Variants in PARD3B observed in about 807,000 individuals in gnomAD.
PARD3B encodes par-3 family cell polarity regulator beta, also known as partitioning defective 3 homolog B.
A neutral mutation model predicts 130.2 loss-of-function variants in PARD3B; 103 were observed. That is an observed-to-expected ratio of 0.79 (90% confidence interval 0.67 to 0.93). The LOEUF (loss-of-function observed/expected upper bound fraction) is 0.93, where lower values mean the gene tolerates loss of function less well. Ranked by LOEUF, PARD3B falls within the 40% of genes least tolerant of loss-of-function variation. The pLI, the probability that PARD3B is intolerant of heterozygous loss-of-function variation, is 0.00. For synonymous variants in PARD3B, 583 were observed against 553.2 expected, an observed-to-expected ratio of 1.05 and a Z score of -0.76; for missense variants, 1,609 against 1,499.2, an observed-to-expected ratio of 1.07 and a Z score of -1.21.
chr2:205,553,985 A>G (rs1401989885), intron 22 of PARD3B, among the ~76,000 whole-genome samples: 1 of 152,192 alleles, frequency 6.6e-6, no homozygotes, highest in Non-Finnish European at 1.5e-5. Context: ...CTGTAACTCA[A>G]CACCCTTGAA....
intron 22 of PARD3B, among the ~76,000 whole-genome samples, chr2:205,597,642 G>A (rs951279421): frequency 1.3e-5 from 2 of 152,200 alleles, no homozygotes; most frequent in African/African-American, 2.4e-5. Flanking sequence ...CCCACCAGCA[G>A]TGTATGAGTA....
chr2:205,147,070 C>T (rs1248347695), intron 10 of PARD3B, among the ~76,000 whole-genome samples: 1 of 152,144 alleles, frequency 6.6e-6, no homozygotes, highest in African/African-American at 2.4e-5. Context: ...ATACTTAAGA[C>T]AGGTCTAATC....
chr2:204,794,067 A>G (rs1559149636), intron 2 of PARD3B, among the ~76,000 whole-genome samples: 1 of 152,176 alleles, frequency 6.6e-6, no homozygotes, highest in Non-Finnish European at 1.5e-5. Context: ...AGATTGAAAT[A>G]GGCTTTACTA....
intron 1 of PARD3B, among the ~76,000 whole-genome samples, chr2:204,550,318 G>A (rs1263052934): frequency 6.6e-6 from 1 of 152,176 alleles, no homozygotes; most frequent in Non-Finnish European, 1.5e-5. Flanking sequence ...AATTGTGTGT[G>A]TGTGTTCAGT....
At chr2:204,818,914 T>G (rs2043236571) in intron 2 of PARD3B, among the ~76,000 whole-genome samples, 1 of 152,146 alleles carries the variant, frequency 6.6e-6, no homozygotes, top group African/African-American at 2.4e-5. Flanking sequence ...TGGGAGAGTA[T>G]GTTGAAGTGC....
At chr2:205,318,339 T>C (rs1015509542) in intron 18 of PARD3B, among the ~76,000 whole-genome samples, 6 of 152,216 alleles carry the variant, frequency 3.9e-5, no homozygotes, top group Non-Finnish European at 5.9e-5. Context: ...ACCAATTTCC[T>C]AGACCTTTGA....
chr2:204,626,413 A>G (rs1222184358), intron 1 of PARD3B, among the ~76,000 whole-genome samples: 1 of 152,088 alleles, frequency 6.6e-6, no homozygotes, highest in Non-Finnish European at 1.5e-5. Flanking sequence ...TTTCACATTC[A>G]TCTGCTACTA....
At position 205,291,954 on chromosome 2, in the gene PARD3B, C is replaced by T. The variant is rs999957282; in HGVS notation, c.2186-8576C>T. ...TCATCAGGACAATCCTTCCTACCAACAGGCCCAGAGTGCAAGGGCCCTGGA... is the reference window on the plus strand; with the variant it reads ...TCATCAGGACAATCCTTCCTACCAATAGGCCCAGAGTGCAAGGGCCCTGGA... On this transcript the variant is annotated intron_variant, in intron 16 of 22. Transcript: ENST00000406610. This position sits in a 1 kb window ranked among gnomAD's most constrained non-coding sequence, Gnocchi z 4.6. 1.3e-5 allele frequency among the ~76,000 whole-genome samples: 2 copies of T among 152,228 alleles called. No individual in the cohort carries two copies. The highest frequency in any genetic ancestry group is 2.9e-5 in the Non-Finnish European group (2 of 68,038).
At position 205,037,030 on chromosome 2, in the gene PARD3B, C is replaced by T. The variant is rs192876312; in HGVS notation, c.395-10551C>T. Among the ~76,000 whole-genome samples the T allele has an allele frequency of 3.4e-3, 494 of 145,424 alleles. 3 individuals are homozygous for T. Among genetic ancestry groups the T allele is most frequent in the African/African-American group, 0.012 (460 of 39,224 alleles). ...ATATAAAAAATATATACATATATAG[C>T]GGACTGTATACATAAAACAAATATA... On this transcript the variant is annotated intron_variant, in intron 3 of 22. Coordinates refer to ENST00000406610, the MANE Select transcript of PARD3B (RefSeq NM_001302769.2).
At chr2:204,723,471 A>T (rs1355487749) in intron 2 of PARD3B, among the ~76,000 whole-genome samples, 2 of 152,136 alleles carry the variant, frequency 1.3e-5, no homozygotes, top group Admixed American at 6.5e-5. Context: ...CATTTGGTTT[A>T]TTGGATTTTT....
intron 18 of PARD3B, among the ~76,000 whole-genome samples, chr2:205,359,441 C>A (rs889320709): frequency 3.3e-5 from 5 of 152,048 alleles, no homozygotes; most frequent in Admixed American, 6.6e-5. Context: ...TTTTTGTTTC[C>A]TCTTTTATTT....
chr2:204,789,327 A>G lies in PARD3B; in HGVS notation c.222+103045A>G, dbSNP rs1574986832. 4.6e-5 allele frequency among the ~76,000 whole-genome samples: 7 copies of G among 152,330 alleles called. 1 individual carries two copies. Among genetic ancestry groups the G allele is most frequent in the Admixed American group, 4.6e-4 (7 of 15,306 alleles). On this transcript the variant is annotated intron_variant, in intron 2 of 22. Transcript: ENST00000406610. ...TAGCCTCCCAAAGCTCTGGGTTAACAGGCATGAGCCACCACACCGAGTCTG... is the reference window on the plus strand; with the variant it reads ...TAGCCTCCCAAAGCTCTGGGTTAACGGGCATGAGCCACCACACCGAGTCTG...
At chr2:204,560,948 G>A (rs1189100916) in intron 1 of PARD3B, among the ~76,000 whole-genome samples, 1 of 152,104 alleles carries the variant, frequency 6.6e-6, no homozygotes, top group Non-Finnish European at 1.5e-5. Context: ...GACTCTCAGT[G>A]GGAAGAGAAG....
chr2:204,718,797 A>G (rs935752914), intron 2 of PARD3B, among the ~76,000 whole-genome samples: 1 of 152,210 alleles, frequency 6.6e-6, no homozygotes, highest in Admixed American at 6.5e-5. Context: ...TGCCTTTGAG[A>G]TATGTGTATC....
intron 1 of PARD3B, among the ~76,000 whole-genome samples, chr2:204,640,582 G>A (rs920382070): frequency 6.6e-6 from 1 of 151,648 alleles, no homozygotes; most frequent in African/African-American, 2.4e-5. Flanking sequence ...TTCTTGTGGT[G>A]ACTAGACCTG....
At chr2:205,535,393 C>G (rs191340477) in intron 21 of PARD3B, among the ~76,000 whole-genome samples, 136 of 152,250 alleles carry the variant, frequency 8.9e-4, no homozygotes, top group African/African-American at 3.1e-3. Context: ...CATTTCAAAA[C>G]TAAACCATCC....
At chr2:205,058,391 A>G (rs1033356343) in intron 4 of PARD3B, among the ~76,000 whole-genome samples, 18 of 151,996 alleles carry the variant, frequency 1.2e-4, no homozygotes, top group Non-Finnish European at 5.9e-5. Context: ...GAAAAATGCT[A>G]CTGTGGATAC....
intron 19 of PARD3B, among the ~76,000 whole-genome samples, chr2:205,418,599 G>T (rs890633134): frequency 1.6e-4 from 25 of 152,130 alleles, no homozygotes; most frequent in African/African-American, 5.6e-4. Flanking sequence ...CCAGACACTT[G>T]CAATGAAATC....
At chr2:205,052,419 GTATATATATATATA>G (rs869192541) in intron 4 of PARD3B, among the ~76,000 whole-genome samples, 4 of 39,764 alleles carry the variant, frequency 1.0e-4, no homozygotes, top group South Asian at 1.2e-3. Flanking sequence ...ATATATATAT[GTATATATATATATA>G]TATATATATA....
Sources: gnomAD v4.1 joint callset for allele counts (sites outside exome capture counted in the v4.1 genomes callset) on GRCh38, gnomAD v4.1.1 for gene constraint, Gnocchi (gnomAD v3.1) non-coding constraint, MANE v1.5 for transcripts, NCBI Gene and HGNC (gene_info 2026-07-23, HGNC 2026-07-21) for gene names.